Variants in SNX9 observed in about 807,000 individuals in gnomAD.
SNX9 encodes sorting nexin-9.
SNX9 carries 44 observed loss-of-function variants against 89.4 expected under a neutral mutation model. That is an observed-to-expected ratio of 0.49 (90% CI 0.39 to 0.63). The LOEUF (loss-of-function observed/expected upper bound fraction) is 0.63. Ranked by LOEUF, SNX9 falls within the 30% of genes least tolerant of loss-of-function variation. SNX9 has a pLI of 0.00. For synonymous variants in SNX9, 236 were observed against 247.8 expected (o/e 0.95, Z 0.45); for missense variants, 578 against 736.1 (o/e 0.79, Z 2.49).
rs551255469 is a variant in SNX9, at chr6:157,886,916, C to T, written c.301-9911C>T. Among the ~76,000 whole-genome samples the T allele has an allele frequency of 1.4e-4, 22 of 152,056 alleles. No homozygotes were observed. In the South Asian group the frequency reaches 1.7e-3, roughly 11 times the overall value. Reference sequence around the variant, plus strand: ...ATCACCTTTTGGAAGCCCATTCAAGCTGAGTCTTCTACCTCATTAATATTT... The same window carrying T: ...ATCACCTTTTGGAAGCCCATTCAAGTTGAGTCTTCTACCTCATTAATATTT... On this transcript the variant is annotated intron_variant, in intron 4 of 17. Coordinates refer to ENST00000392185, the MANE Select transcript of SNX9 (RefSeq NM_016224.5).
At chr6:157,831,907 A>G (rs940058085) in intron 1 of SNX9, among the ~76,000 whole-genome samples, 22 of 152,228 alleles carry the variant, frequency 1.4e-4, no homozygotes, top group African/African-American at 4.6e-4. Context: ...GAATATGTGC[A>G]TGAAAGTGTT....
rs766749967 is a variant in SNX9, at chr6:157,901,946, C to G, written c.521C>G (p.Ser174Cys). The G allele has an allele frequency of 6.2e-7, 1 of 1,613,116 alleles. No individual in the cohort carries two copies. The highest frequency in any genetic ancestry group is 8.5e-7 in the Non-Finnish European group (1 of 1,179,712). ...DWDEDWDGPK[S>C]SSYFKDSESA... Reference sequence around the variant, plus strand: ...GATGAAGACTGGGATGGGCCCAAATCCTCTTCCTACTTTAAGGATTCAGAG... The same window carrying G: ...GATGAAGACTGGGATGGGCCCAAATGCTCTTCCTACTTTAAGGATTCAGAG... The change falls in exon 6 of 18, where the codon TCC (serine) becomes TGC (cysteine). Residue 174 changes from serine to cysteine, a missense_variant. Around this residue, in one of 2 missense-constraint regions of SNX9, gnomAD observed 230 missense variants for 244.7 expected, o/e 0.94. Transcript: ENST00000392185.
At chr6:157,844,064 A>C (rs781554113) in intron 1 of SNX9, among the ~76,000 whole-genome samples, 4 of 151,708 alleles carry the variant, frequency 2.6e-5, no homozygotes, top group Non-Finnish European at 5.9e-5. Context: ...TAGTAGAGAC[A>C]GGGTTTCACC....
Position 157,901,975 on chromosome 6 carries a change from G to A in SNX9, c.550G>A (p.Ala184Thr), listed in dbSNP as rs1180910946. Residue 184 changes from alanine (A) to threonine (T), a missense_variant, in exon 6 of 18, where the codon GCT (alanine) becomes ACT (threonine). Ala to Thr is a moderately conservative substitution (Grantham distance 58, BLOSUM62 0). Transcript: ENST00000392185. Reference sequence around the variant, plus strand: ...TTCCTACTTTAAGGATTCAGAGTCAGCTGATGCAGGCGGCGCTCAGCGAGG... The same window carrying A: ...TTCCTACTTTAAGGATTCAGAGTCAACTGATGCAGGCGGCGCTCAGCGAGG... The part of the protein sequence containing the change: ...SSSYFKDSES[A>T]DAGGAQRGNS... 1 of 1,613,842 alleles carries A rather than the reference G, an allele frequency of 6.2e-7. No individual in the cohort carries two copies. Among genetic ancestry groups the A allele is most frequent in the East Asian group, 2.2e-5 (1 of 44,858 alleles).
intron 2 of SNX9, among the ~76,000 whole-genome samples, chr6:157,870,844 ACT>A (rs1782391946): frequency 7.1e-6 from 1 of 141,422 alleles, no homozygotes; most frequent in African/African-American, 2.7e-5. Context: ...ACATACCCAC[ACT>A]CTCCTGCTCT....
chr6:157,938,272 T>C (rs367950624), intron 15 of SNX9, among the ~76,000 whole-genome samples: 2 of 152,254 alleles, frequency 1.3e-5, no homozygotes, highest in South Asian at 2.1e-4. Context: ...GTGCACATGC[T>C]GCCCTGTACC....
At chr6:157,834,149 GGTTTTTTTTTTTTTTTT>G (rs1252050029) in intron 1 of SNX9, among the ~76,000 whole-genome samples, 27 of 60,086 alleles carry the variant, frequency 4.5e-4, no homozygotes, top group African/African-American at 1.2e-3. Context: ...TGTCCACTGT[GGTTTTTTTTTTTTTTTT>G]TTTTTTTTTT....
chr6:157,912,029 G>A (rs1025383273), intron 9 of SNX9, among the ~76,000 whole-genome samples: 8 of 152,148 alleles, frequency 5.3e-5, no homozygotes, highest in African/African-American at 1.7e-4. Flanking sequence ...CTGCCCAGAG[G>A]CACTGACCGA....
chr6:157,921,752 G>A, intron 10 of SNX9, 91 bp downstream of exon 10: 1 of 1,397,266 alleles, frequency 7.2e-7, no homozygotes. Context: ...AAATTATGTT[G>A]GTTAGTTATT....
At position 157,928,703 on chromosome 6, in the gene SNX9, G is replaced by GT. The variant is rs1783746113; in HGVS notation, c.1288+2dup. On this transcript the variant is annotated splice_donor_variant, in intron 12 of 17. Transcript: ENST00000392185. LOFTEE classifies it high-confidence loss of function. ...GAGCACTGGAAGCGCTGCACGGGCC[G>GT]TAAGTCCACTCCTCACAGTGCACTG... 5.7e-6 allele frequency: 9 copies of GT among 1,589,648 alleles called. No homozygotes were observed. Among genetic ancestry groups the GT allele is most frequent in the Non-Finnish European group, 7.7e-6 (9 of 1,168,692 alleles).
At chr6:157,875,636 TC>T (rs1204446158) in intron 4 of SNX9, among the ~76,000 whole-genome samples, 9 of 152,184 alleles carry the variant, frequency 5.9e-5, no homozygotes, top group African/African-American at 1.7e-4. Flanking sequence ...CCTGTGAAAG[TC>T]TACCAGATCC....
intron 1 of SNX9, among the ~76,000 whole-genome samples, chr6:157,844,894 CG>C (rs1781775785): frequency 6.6e-6 from 1 of 151,892 alleles, no homozygotes; most frequent in Non-Finnish European, 1.5e-5. Context: ...TGCGCCTGGC[CG>C]TCGTCCTTGT....
At chr6:157,834,408 A>G (rs1417198565) in intron 1 of SNX9, among the ~76,000 whole-genome samples, 1 of 149,316 alleles carries the variant, frequency 6.7e-6, no homozygotes, top group African/African-American at 2.5e-5. Context: ...GTGCAGTGGC[A>G]TGATAATAAC....
intron 1 of SNX9, among the ~76,000 whole-genome samples, chr6:157,829,623 A>G (rs1192605078): frequency 1.3e-5 from 2 of 152,284 alleles, no homozygotes; most frequent in Middle Eastern, 6.8e-3. Flanking sequence ...GTGAATTTAA[A>G]AATTTTCTCT....
At position 157,927,154 on chromosome 6, in the gene SNX9, C is replaced by T. The variant is rs376673240; in HGVS notation, c.1124C>T (p.Ala375Val). Residue 375 changes from alanine (A) to valine (V), a missense_variant, in exon 11 of 18, where the codon GCG becomes GTG. Around this residue, in one of 2 missense-constraint regions of SNX9, gnomAD observed 348 missense variants for 491.4 expected, o/e 0.71. Coordinates refer to ENST00000392185, the MANE Select transcript of SNX9 (RefSeq NM_016224.5). The part of the protein sequence containing the change: ...GKRKAERDEL[A>V]GVMIFSTMEP... ...AGGAAGGCCGAGAGAGATGAGCTGG[C>T]GGGAGTCATGATATTTTCCACCATG... The T allele has an allele frequency of 1.4e-5, 23 of 1,613,882 alleles. No individual in the cohort carries two copies. Among genetic ancestry groups the T allele is most frequent in the African/African-American group, 9.3e-5 (7 of 74,878 alleles).
rs114246504 is a variant in SNX9, at chr6:157,825,430, A to G, written c.12+1984A>G. ...GTATATATAGTGAAATTTTTATTTC[A>G]TAGTTAATCCTGAACTTAATTTTTT... On this transcript the variant is annotated intron_variant, in intron 1 of 17. Transcript: ENST00000392185. Among the ~76,000 whole-genome samples, 877 of 152,342 alleles carry G rather than the reference A, an allele frequency of 5.8e-3. 6 individuals carry two copies. The highest frequency in any genetic ancestry group is 0.019 in the African/African-American group (798 of 41,568).
At position 157,837,780 on chromosome 6, in the gene SNX9, G is replaced by A. The variant is rs143377958; in HGVS notation, c.12+14334G>A. On this transcript the variant is annotated intron_variant, in intron 1 of 17. Coordinates refer to ENST00000392185, the MANE Select transcript of SNX9 (RefSeq NM_016224.5). ...GTCTCTGCAGTCAGTAAGAAGTAAC[G>A]GGTGTCTAAATAAGAGAAGGGCAGC... Among the ~76,000 whole-genome samples, 114 of 152,244 alleles carry A rather than the reference G, an allele frequency of 7.5e-4. 1 individual carries two copies. The East Asian group carries it at 0.022, about 29-fold the overall frequency.
intron 16 of SNX9, 131 bp from the exon 17 acceptor site, chr6:157,940,752 A>G (rs2115224369): frequency 1.4e-6 from 1 of 740,594 alleles, no homozygotes; most frequent in Non-Finnish European, 2.3e-6. Context: ...AAAGTGATTT[A>G]CCAAGAACTG....
chr6:157,870,186 GCT>G (rs887091129), intron 2 of SNX9, among the ~76,000 whole-genome samples: 13 of 150,272 alleles, frequency 8.7e-5, no homozygotes, highest in African/African-American at 3.0e-4. Flanking sequence ...CCACACTCAT[GCT>G]CTCACACATA....
Sources: allele counts gnomAD v4.1 joint callset (sites outside exome capture counted in the v4.1 genomes callset), GRCh38; gene constraint gnomAD v4.1.1; regional missense constraint gnomAD v4.1.1; transcripts MANE v1.5; gene names NCBI Gene and HGNC (gene_info 2026-07-23, HGNC 2026-07-21).